Variants in CMPK1 observed in about 807,000 individuals in gnomAD.
CMPK1 encodes the protein cytidine/uridine monophosphate kinase 1.
CMPK1 carries 10 observed loss-of-function variants against 25.7 expected under a neutral mutation model. That is an observed-to-expected ratio of 0.39 (90% CI 0.24 to 0.66). CMPK1 has a LOEUF of 0.66. Ranked by LOEUF, CMPK1 falls within the 30% of genes least tolerant of loss-of-function variation. The probability of loss-of-function intolerance (pLI) is 0.48; values close to 1 mark genes in which losing one functional copy is unlikely to be tolerated. For synonymous variants in CMPK1, 106 were observed against 101.5 expected, an observed-to-expected ratio of 1.04 and a Z score of -0.27; for missense variants, 199 against 280.5, an observed-to-expected ratio of 0.71 and a Z score of 2.08.
chr1:47,357,182 C>T (rs559365583), intron 1 of CMPK1, among the ~76,000 whole-genome samples: 1 of 151,896 alleles, frequency 6.6e-6, no homozygotes, highest in South Asian at 2.1e-4. Context: ...CCAGGATGGT[C>T]TCGATCTTCT....
intron 1 of CMPK1, among the ~76,000 whole-genome samples, chr1:47,334,756 G>A (rs1211878517): frequency 6.6e-6 from 1 of 152,190 alleles, no homozygotes; most frequent in Non-Finnish European, 1.5e-5. Flanking sequence ...GGAAAGCCGG[G>A]AGTGCTGTTC....
At chr1:47,372,823 TTTG>T in intron 2 of CMPK1, 129 bp from the exon 3 acceptor site, 1 of 496,726 alleles carries the variant, frequency 2.0e-6, no homozygotes, top group Admixed American at 4.1e-5. Flanking sequence ...CTTTTTTTTT[TTTG>T]CTATGTACCC....
chr1:47,364,170 C>A lies in CMPK1; in HGVS notation c.172-4299C>A, dbSNP rs779974687. Among the ~76,000 whole-genome samples, 23 of 150,936 alleles carry A rather than the reference C, an allele frequency of 1.5e-4. No homozygotes were observed. In the Middle Eastern group the frequency reaches 0.014, roughly 89 times the overall value. ...TCTGCCTTTAGATATGGGTTCATGG[C>A]CAAAAGAAAAAAAAAGATTCTAAGG... is the stretch of plus-strand genomic sequence containing the variant. On this transcript the variant is annotated intron_variant, in intron 1 of 5. Transcript: ENST00000371873.
chr1:47,366,134 CA>C (rs1646638483), intron 1 of CMPK1, among the ~76,000 whole-genome samples: 1 of 152,198 alleles, frequency 6.6e-6, no homozygotes, highest in Non-Finnish European at 1.5e-5. Flanking sequence ...GCAGAGGTTG[CA>C]GTGAGCAGAG....
In CMPK1 at chr1:47,373,057, G is replaced by A. The variant is rs751273816; in HGVS notation, c.421G>A (p.Asp141Asn). ...DNLQGWNKTM[D>N]GKADVSFVLF... is the part of the protein sequence containing the mutation. ...CCTTCAAGGATGGAACAAGACCATG[G>A]ATGGGAAGGCAGATGTATCTTTCGT... Residue 141 changes from aspartate to asparagine, a missense_variant, in exon 3 of 6, where the codon GAT becomes AAT. Asp to Asn is a conservative substitution (Grantham distance 23, BLOSUM62 1). This residue lies in a region of CMPK1 where 140 missense variants were observed against 235.5 expected (regional missense o/e 0.59). Coordinates refer to ENST00000371873, the MANE Select transcript of CMPK1 (RefSeq NM_016308.3). The A allele has an allele frequency of 6.2e-7, 1 of 1,611,760 alleles. No individual in the cohort carries two copies. The highest frequency in any genetic ancestry group is 8.5e-7 in the Non-Finnish European group (1 of 1,178,698).
intron 1 of CMPK1, among the ~76,000 whole-genome samples, chr1:47,345,142 T>C (rs1646473332): frequency 6.6e-6 from 1 of 152,096 alleles, no homozygotes; most frequent in Non-Finnish European, 1.5e-5. Flanking sequence ...GGTCTCAAAC[T>C]CCTGACCTCA....
At chr1:47,354,475 T>C (rs1453799700) in intron 1 of CMPK1, among the ~76,000 whole-genome samples, 1 of 152,198 alleles carries the variant, frequency 6.6e-6, no homozygotes, top group Admixed American at 6.6e-5. Context: ...TTTAATCTCA[T>C]CCTACCCTCC....
chr1:47,358,429 T>C (rs2149330664), intron 1 of CMPK1: 1 of 1,208,630 alleles, frequency 8.3e-7, no homozygotes, highest in African/African-American at 1.6e-5. Context: ...TTTAGAAGTT[T>C]GTTCTTCAAG....
intron 1 of CMPK1, among the ~76,000 whole-genome samples, chr1:47,367,723 A>T (rs910113524): frequency 6.6e-6 from 1 of 152,150 alleles, no homozygotes. Flanking sequence ...TTTAATAAAA[A>T]GGAACTTGCA....
chr1:47,374,008 T>G (rs1048103531), intron 3 of CMPK1, among the ~76,000 whole-genome samples: 1 of 152,176 alleles, frequency 6.6e-6, no homozygotes, highest in African/African-American at 2.4e-5. Flanking sequence ...TGTTCTTAGG[T>G]TGAATTGTAA....
intron 1 of CMPK1, among the ~76,000 whole-genome samples, chr1:47,348,080 A>G (rs1242433006): frequency 1.8e-5 from 1 of 55,412 alleles, no homozygotes; most frequent in Non-Finnish European, 6.2e-5. Flanking sequence ...AAGGATTGTA[A>G]TCACTGAAGA....
rs1471682691 is a variant in CMPK1 at position 47,363,398 on chromosome 1, C to T, written c.172-5071C>T. On this transcript the variant is annotated intron_variant, in intron 1 of 5. Coordinates refer to ENST00000371873, the MANE Select transcript of CMPK1 (RefSeq NM_016308.3). ...ATCCCAGCACTTTGGGAGGCCGAGG[C>T]GGGTGGATCATTTGAGGTCAGGAGT... Among the ~76,000 whole-genome samples the T allele has an allele frequency of 3.3e-5, 5 of 152,064 alleles. No homozygotes were observed. The South Asian group carries it at 8.3e-4, about 25-fold the overall frequency.
chr1:47,374,403 A>G (rs935301241), intron 3 of CMPK1, among the ~76,000 whole-genome samples: 12 of 152,238 alleles, frequency 7.9e-5, no homozygotes, highest in Middle Eastern at 3.4e-3. Flanking sequence ...ACCCCCCAAA[A>G]TATGTTTTCA....
chr1:47,355,600 A>G (rs1317726129), intron 1 of CMPK1, among the ~76,000 whole-genome samples: 1 of 151,790 alleles, frequency 6.6e-6, no homozygotes. Flanking sequence ...GGTGTGAGCC[A>G]TCATGCCCGG....
intron 5 of CMPK1, among the ~76,000 whole-genome samples, chr1:47,375,800 G>A (rs11584518): frequency 2.6e-5 from 4 of 152,064 alleles, no homozygotes; most frequent in East Asian, 3.9e-4. Flanking sequence ...CATAAATAGC[G>A]ATCTCTAAAT....
At chr1:47,363,006 CAGTCAAAGGAAAGTA>C (rs1449925455) in intron 1 of CMPK1, among the ~76,000 whole-genome samples, 1 of 152,136 alleles carries the variant, frequency 6.6e-6, no homozygotes, top group Non-Finnish European at 1.5e-5. Flanking sequence ...TGTATTCTTA[CAGTCAAAGGAAAGTA>C]AGTTCCCCAG....
chr1:47,363,333 A>G (rs1646616117), intron 1 of CMPK1, among the ~76,000 whole-genome samples: 5 of 152,206 alleles, frequency 3.3e-5, no homozygotes, highest in Admixed American at 3.3e-4. Context: ...AAGTACTATT[A>G]GAACTGTTTT....
chr1:47,376,870 A>C lies in CMPK1; in HGVS notation c.*125A>C, dbSNP rs1309519228. 1.9e-6 allele frequency: 1 copy of C among 533,186 alleles called. No individual in the cohort carries two copies. Among genetic ancestry groups the C allele is most frequent in the Admixed American group, 3.7e-5 (1 of 26,846 alleles). The allele number at this position is 533,186 out of a possible 1,614,324, so 33.0% of individuals were successfully genotyped here. A position where few individuals can be genotyped will look rare whatever the true frequency, so the allele number is the denominator to read the frequency against. On this transcript the variant is annotated 3_prime_UTR_variant, in exon 6 of 6. Transcript: ENST00000371873. ...ATCTCAATTAGTGGCTGGAAAGTAC[A>C]TGGTAAAACAAAGTAAATTTTTTTA...
intron 3 of CMPK1, among the ~76,000 whole-genome samples, chr1:47,373,717 A>G (rs2149334996): frequency 6.6e-6 from 1 of 152,012 alleles, no homozygotes; most frequent in African/African-American, 2.4e-5. Flanking sequence ...AATTGCTTGA[A>G]CCTGGGAGGC....
Sources: allele counts gnomAD v4.1 joint callset (sites outside exome capture counted in the v4.1 genomes callset), GRCh38; gene constraint gnomAD v4.1.1; regional missense constraint gnomAD v4.1.1; transcripts MANE v1.5; gene names NCBI Gene and HGNC (gene_info 2026-07-23, HGNC 2026-07-21).